The following PBX3 variants were observed in gnomAD, a reference collection of about 807,000 sequenced individuals.
PBX3 encodes PBX homeobox 3, also known as pre-B-cell leukemia transcription factor 3.
PBX3 carries 14 observed loss-of-function variants against 48.5 expected under a neutral mutation model. That is an observed-to-expected ratio of 0.29 (90% CI 0.19 to 0.45). The LOEUF is 0.45. Among genes scored for constraint, PBX3 ranks in the 20% least tolerant of loss-of-function variants. PBX3 has a pLI of 1.00. For missense variants in PBX3, 386 were observed against 546.7 expected (o/e 0.71, Z 2.93); for synonymous variants, 210 against 200.3 (o/e 1.05, Z -0.41).
chr9:125,780,057 C>CG (rs1166580669), intron 2 of PBX3, among the ~76,000 whole-genome samples: 151 of 131,892 alleles, frequency 1.1e-3, no homozygotes, highest in African/African-American at 4.2e-3. Flanking sequence ...GCTGGCCGGG[C>CG]AGGGGGCTGA....
chr9:125,825,432 A>G (rs1838780534), intron 2 of PBX3, among the ~76,000 whole-genome samples: 1 of 152,162 alleles, frequency 6.6e-6, no homozygotes, highest in South Asian at 2.1e-4. Context: ...ATTTTAAAAT[A>G]AAAAACAACT....
chr9:125,931,924 AT>A (rs1250227014), intron 4 of PBX3, among the ~76,000 whole-genome samples: 1 of 152,194 alleles, frequency 6.6e-6, no homozygotes, highest in African/African-American at 2.4e-5. Flanking sequence ...GGTCTTTAGG[AT>A]TATTTCCTAA....
chr9:125,829,999 G>A (rs1048625088), intron 2 of PBX3, among the ~76,000 whole-genome samples: 1 of 152,198 alleles, frequency 6.6e-6, no homozygotes, highest in African/African-American at 2.4e-5. Flanking sequence ...AACTGCAAAG[G>A]TGAACTGAAG....
At chr9:125,817,072 C>T (rs1396304817) in intron 2 of PBX3, among the ~76,000 whole-genome samples, 1 of 152,034 alleles carries the variant, frequency 6.6e-6, no homozygotes, top group African/African-American at 2.4e-5. Flanking sequence ...TTAGTCTTTC[C>T]AAAATCAGTC....
chr9:125,916,417 G>A (rs1841336013), intron 3 of PBX3, among the ~76,000 whole-genome samples: 1 of 152,108 alleles, frequency 6.6e-6, no homozygotes, highest in Non-Finnish European at 1.5e-5. Context: ...GCAGGTTCCG[G>A]CCTGTTTCTC....
At chr9:125,936,222 ATTTAGT>A (rs1362140628) in intron 5 of PBX3, among the ~76,000 whole-genome samples, 2 of 152,118 alleles carry the variant, frequency 1.3e-5, no homozygotes, top group Non-Finnish European at 2.9e-5. Flanking sequence ...ACAAAAATAC[ATTTAGT>A]TTTAGTCAGA....
chr9:125,794,286 TACTC>T (rs1207866152), intron 2 of PBX3, among the ~76,000 whole-genome samples: 2 of 152,222 alleles, frequency 1.3e-5, no homozygotes, highest in African/African-American at 4.8e-5. Context: ...AAACTGAAGA[TACTC>T]ACACCCCACC....
intron 5 of PBX3, among the ~76,000 whole-genome samples, chr9:125,959,409 C>T (rs955032428): frequency 1.3e-5 from 2 of 152,222 alleles, no homozygotes; most frequent in African/African-American, 4.8e-5. Flanking sequence ...TGTGTGCACT[C>T]CATAATCCCC....
rs1842533653 is a variant in PBX3 at position 125,966,392 on chromosome 9, C to A, written c.*469C>A. 1 of 153,242 alleles carries A rather than the reference C, an allele frequency of 6.5e-6. No individual in the cohort carries two copies. Among genetic ancestry groups the A allele is most frequent in the African/African-American group, 2.4e-5 (1 of 41,434 alleles). 9.5% of individuals were successfully genotyped at this position (153,242 alleles called of 1,614,324 possible). A position where few individuals can be genotyped will look rare whatever the true frequency, so the allele number is the denominator to read the frequency against. ...TCACTAATGGAGTTGGAATAAAGAG[C>A]TGTTTGCCTATCCCTGTTAATGATG... On this transcript the variant is annotated 3_prime_UTR_variant, in exon 9 of 9. Transcript: ENST00000373489.
chr9:125,812,440 A>G (rs185296785), intron 2 of PBX3, among the ~76,000 whole-genome samples: 247 of 152,316 alleles, frequency 1.6e-3, no homozygotes, highest in African/African-American at 5.6e-3. Context: ...GGATATTTTA[A>G]TTGACTGGAT....
At chr9:125,754,208 A>G (rs919244761) in intron 2 of PBX3, among the ~76,000 whole-genome samples, 3 of 152,066 alleles carry the variant, frequency 2.0e-5, no homozygotes, top group African/African-American at 7.2e-5. Flanking sequence ...ACATTATGAG[A>G]ATAATGTTTT....
chr9:125,755,672 GTTTTTTTTTTTT>G (rs11310993), intron 2 of PBX3, among the ~76,000 whole-genome samples: 2 of 95,232 alleles, frequency 2.1e-5, no homozygotes, highest in East Asian at 6.8e-4. Context: ...GAGGAGCTTT[GTTTTTTTTTTTT>G]TTTTTTTTTT....
intron 5 of PBX3, among the ~76,000 whole-genome samples, chr9:125,937,064 A>C (rs766312717): frequency 6.6e-6 from 1 of 152,112 alleles, no homozygotes; most frequent in Non-Finnish European, 1.5e-5. Flanking sequence ...TCTGACTTAG[A>C]ATTTGAATGT....
intron 2 of PBX3, among the ~76,000 whole-genome samples, chr9:125,761,219 T>G (rs534685370): frequency 1.3e-5 from 2 of 152,056 alleles, no homozygotes; most frequent in East Asian, 3.8e-4. Context: ...TTTTCTTTTT[T>G]TTTTTGCTAG....
chr9:125,892,657 G>C (rs1424064031), intron 2 of PBX3, among the ~76,000 whole-genome samples: 1 of 152,098 alleles, frequency 6.6e-6, no homozygotes, highest in Non-Finnish European at 1.5e-5. Flanking sequence ...TATGCATTTG[G>C]GCTTCTCATT....
intron 5 of PBX3, among the ~76,000 whole-genome samples, chr9:125,937,498 C>T (rs561775259): frequency 6.6e-6 from 1 of 152,116 alleles, no homozygotes; most frequent in East Asian, 1.9e-4. Flanking sequence ...AGCTCTGTTA[C>T]CCTGTCTAAA....
At chr9:125,799,568 A>AC (rs1837880087) in intron 2 of PBX3, among the ~76,000 whole-genome samples, 1 of 152,220 alleles carries the variant, frequency 6.6e-6, no homozygotes, top group Non-Finnish European at 1.5e-5. Context: ...TTAAGTGTGA[A>AC]CATTTTTTCT....
Position 125,926,490 on chromosome 9 carries a change from A to G in PBX3, c.517-3165A>G, listed in dbSNP as rs147873799. Among the ~76,000 whole-genome samples the G allele has an allele frequency of 3.0e-3, 458 of 152,204 alleles. 1 individual carries two copies. Among genetic ancestry groups the G allele is most frequent in the African/African-American group, 0.011 (442 of 41,526 alleles). On this transcript the variant is annotated intron_variant, in intron 3 of 8. Coordinates refer to ENST00000373489, the MANE Select transcript of PBX3 (RefSeq NM_006195.6). ...AACCAAGATCATGCCACTGCACTCCAGACTGGGCAGCAGAATGAAACTGTC... is the reference window on the plus strand; with the variant it reads ...AACCAAGATCATGCCACTGCACTCCGGACTGGGCAGCAGAATGAAACTGTC...
intron 2 of PBX3, among the ~76,000 whole-genome samples, chr9:125,755,588 A>G (rs1465314238): frequency 2.6e-5 from 4 of 151,600 alleles, no homozygotes; most frequent in Non-Finnish European, 5.9e-5. Context: ...ATTAGAGGGC[A>G]TTATGCAAGA....
Sources: gnomAD v4.1 joint callset for allele counts (sites outside exome capture counted in the v4.1 genomes callset) on GRCh38, gnomAD v4.1.1 for gene constraint, MANE v1.5 for transcripts, NCBI Gene and HGNC (gene_info 2026-07-23, HGNC 2026-07-21) for gene names.